Variants in BICD1 observed in about 807,000 individuals in gnomAD.
The protein encoded by BICD1 is protein bicaudal D homolog 1.
A neutral mutation model predicts 92.5 loss-of-function variants in BICD1; 35 were observed. That is an observed-to-expected ratio of 0.38 (90% CI 0.29 to 0.50). BICD1 has a LOEUF of 0.50. BICD1 is among the 20% of genes least tolerant of loss of function. The pLI is 0.93. For missense variants in BICD1, 950 were observed against 1,189.8 expected (o/e 0.80, Z 2.97); for synonymous variants, 429 against 465.1 (o/e 0.92, Z 1.00).
chr12:32,193,714 A>G (rs1025908079), intron 1 of BICD1, among the ~76,000 whole-genome samples: 1 of 152,236 alleles, frequency 6.6e-6, no homozygotes, highest in African/African-American at 2.4e-5. Flanking sequence ...TGAGTCATCA[A>G]AAACCTCCAG....
At chr12:32,146,707 G>C (rs1191847575) in intron 1 of BICD1, among the ~76,000 whole-genome samples, 1 of 152,186 alleles carries the variant, frequency 6.6e-6, no homozygotes, top group African/African-American at 2.4e-5. Flanking sequence ...AGTGTGGCCA[G>C]AGAGCAGTGA....
At chr12:32,250,588 T>C (rs1338676262) in intron 2 of BICD1, among the ~76,000 whole-genome samples, 1 of 152,218 alleles carries the variant, frequency 6.6e-6, no homozygotes, top group East Asian at 1.9e-4. Context: ...GTTTTATTTT[T>C]GCCTCTCATT....
intron 2 of BICD1, among the ~76,000 whole-genome samples, chr12:32,235,160 G>GT (rs1348287834): frequency 1.3e-5 from 2 of 152,182 alleles, no homozygotes; most frequent in Non-Finnish European, 2.9e-5. Context: ...AATTACTCAT[G>GT]TGTCTTATTG....
Position 32,327,948 on chromosome 12 carries a change from A to T in BICD1, c.1493A>T (p.His498Leu). The change falls in exon 5 of 10, where the codon CAC becomes CTC. Residue 498 changes from histidine (H) to leucine (L), a missense_variant. By Grantham distance (99) the His-to-Leu change is moderately conservative (BLOSUM62 -3). Transcript: ENST00000652176. ...ATGACCAGCATAGCCAACGAAAATCACAGTACCCTTAATACGGCCCAGGAT... is the reference window on the plus strand; with the variant it reads ...ATGACCAGCATAGCCAACGAAAATCTCAGTACCCTTAATACGGCCCAGGAT... ...QKMTSIANEN[H>L]STLNTAQDEL... is the part of the protein sequence containing the mutation. 1 of 1,614,188 alleles carries T rather than the reference A, an allele frequency of 6.2e-7. No homozygotes were observed. Among genetic ancestry groups the T allele is most frequent in the Non-Finnish European group, 8.5e-7 (1 of 1,180,038 alleles).
intron 1 of BICD1, among the ~76,000 whole-genome samples, chr12:32,179,851 A>T (rs542681231): frequency 1.3e-4 from 20 of 151,772 alleles, no homozygotes; most frequent in Admixed American, 4.0e-4. Flanking sequence ...TTAGCTGGGC[A>T]TGGTGGTAGG....
chr12:32,151,095 C>A (rs544460012), intron 1 of BICD1, among the ~76,000 whole-genome samples: 7 of 152,272 alleles, frequency 4.6e-5, no homozygotes, highest in Middle Eastern at 3.4e-3. Context: ...TGGTAGCAGA[C>A]AGGGTTGCTT....
intron 4 of BICD1, among the ~76,000 whole-genome samples, chr12:32,323,906 T>C (rs898097141): frequency 5.9e-5 from 9 of 152,216 alleles, no homozygotes; most frequent in Admixed American, 4.6e-4. Context: ...CTGTTGGTTA[T>C]AAATATATAT....
chr12:32,214,751 A>G lies in BICD1; in HGVS notation c.214-1496A>G, dbSNP rs572751288. On this transcript the variant is annotated intron_variant, in intron 1 of 9. Coordinates refer to ENST00000652176, the MANE Select transcript of BICD1 (RefSeq NM_001714.4). ...TATAATAAAAGTACTGGTTTCCAAA[A>G]TTAGGTTAGATATTTTCTTTCTTAC... Among the ~76,000 whole-genome samples, 6 of 152,230 alleles carry G rather than the reference A, an allele frequency of 3.9e-5. No homozygotes were observed. The East Asian group carries it at 1.2e-3, about 29-fold the overall frequency.
chr12:32,133,972 G>A (rs1942644405), intron 1 of BICD1, among the ~76,000 whole-genome samples: 2 of 151,936 alleles, frequency 1.3e-5, no homozygotes, highest in African/African-American at 2.4e-5. Context: ...TAGTAGAGAC[G>A]GGGTTTCACT....
chr12:32,190,535 C>T (rs1447645211), intron 1 of BICD1, among the ~76,000 whole-genome samples: 2 of 152,198 alleles, frequency 1.3e-5, no homozygotes, highest in African/African-American at 4.8e-5. Flanking sequence ...GAGGTCAGTT[C>T]ATCAAGAGGA....
At chr12:32,203,967 T>C (rs1944979407) in intron 1 of BICD1, among the ~76,000 whole-genome samples, 2 of 152,168 alleles carry the variant, frequency 1.3e-5, no homozygotes, top group African/African-American at 4.8e-5. Flanking sequence ...AGGAAGATAC[T>C]TGCCATACAT....
At chr12:32,208,214 G>A (rs529423940) in intron 1 of BICD1, among the ~76,000 whole-genome samples, 4 of 152,334 alleles carry the variant, frequency 2.6e-5, no homozygotes, top group Non-Finnish European at 5.9e-5. Context: ...AGAGGAGGCA[G>A]ATTTAAACCC....
intron 4 of BICD1, among the ~76,000 whole-genome samples, chr12:32,316,393 C>T (rs531085835): frequency 2.6e-5 from 4 of 151,716 alleles, no homozygotes; most frequent in East Asian, 3.9e-4. Flanking sequence ...TGGGTTCAAG[C>T]GATTCTTGTG....
At chr12:32,256,561 T>C (rs1354188436) in intron 2 of BICD1, among the ~76,000 whole-genome samples, 2 of 152,150 alleles carry the variant, frequency 1.3e-5, no homozygotes, top group Non-Finnish European at 2.9e-5. Flanking sequence ...TTTTAGAAAA[T>C]GATAAAGAAA....
intron 5 of BICD1, among the ~76,000 whole-genome samples, chr12:32,331,292 G>C (rs1937857593): frequency 6.6e-6 from 1 of 152,110 alleles, no homozygotes; most frequent in South Asian, 2.1e-4. Context: ...TAATCTAGTA[G>C]GAATTCCGCA....
intron 8 of BICD1, among the ~76,000 whole-genome samples, chr12:32,342,546 C>CT (rs1352566868): frequency 1.3e-5 from 2 of 152,000 alleles, no homozygotes; most frequent in Non-Finnish European, 2.9e-5. Flanking sequence ...CCACTGTGCC[C>CT]AGCCTAAAAT....
intron 2 of BICD1, among the ~76,000 whole-genome samples, chr12:32,219,186 CTTAA>C (rs1945442334): frequency 6.6e-6 from 1 of 152,144 alleles, no homozygotes; most frequent in Non-Finnish European, 1.5e-5. Context: ...TCTCTAAGAA[CTTAA>C]TTAATGGGAT....
At chr12:32,225,624 T>G (rs1206303079) in intron 2 of BICD1, among the ~76,000 whole-genome samples, 1 of 118,276 alleles carries the variant, frequency 8.5e-6, no homozygotes, top group Non-Finnish European at 1.6e-5. Flanking sequence ...TTTTTCTGTT[T>G]TTTTTTTTTT....
chr12:32,248,874 C>A (rs569347255), intron 2 of BICD1, among the ~76,000 whole-genome samples: 1 of 152,310 alleles, frequency 6.6e-6, no homozygotes, highest in East Asian at 1.9e-4. Context: ...GGCACAAATT[C>A]CTGGCGGCTC....
Sources: gnomAD v4.1 joint callset for allele counts (sites outside exome capture counted in the v4.1 genomes callset) on GRCh38, gnomAD v4.1.1 for gene constraint, MANE v1.5 for transcripts, NCBI Gene and HGNC (gene_info 2026-07-23, HGNC 2026-07-21) for gene names.